The following NSL1 variants were observed in gnomAD, a reference collection of about 807,000 sequenced individuals.
The protein encoded by NSL1 is kinetochore-associated protein NSL1 homolog.
A neutral mutation model predicts 25.4 loss-of-function variants in NSL1; 11 were observed. The ratio of observed to expected loss-of-function variants is 0.43; its 90% CI spans 0.27 to 0.72. The LOEUF (loss-of-function observed/expected upper bound fraction) is 0.72, where lower values mean the gene tolerates loss of function less well. NSL1 is among the 30% of genes least tolerant of loss of function. The probability of loss-of-function intolerance (pLI) is 0.19; values close to 1 mark genes in which losing one functional copy is unlikely to be tolerated. For missense variants in NSL1, 330 were observed against 342.7 expected (o/e 0.96, Z 0.29); for synonymous variants, 118 against 120.6 (o/e 0.98, Z 0.14).
rs1468122090 is a variant in NSL1, at chr1:212,732,457, C to T, written c.*5951G>A. The T allele has an allele frequency of 2.0e-5, 7 of 353,900 alleles. No homozygotes were observed. Among genetic ancestry groups the T allele is most frequent in the Non-Finnish European group, 2.8e-5 (7 of 253,084 alleles). 21.9% of individuals were successfully genotyped at this position (353,900 alleles called of 1,614,324 possible). A position where few individuals can be genotyped will look rare whatever the true frequency, so the allele number is the denominator to read the frequency against. On this transcript the variant is annotated 3_prime_UTR_variant, in exon 6 of 6. Transcript: ENST00000366977. ...CCTCCTGAGTAGCTGGGATTACAGG[C>T]ATGCGCCACCACGCCCAGCTAATTT...
intron 5 of NSL1, among the ~76,000 whole-genome samples, chr1:212,739,109 C>G (rs940081918): frequency 5.9e-5 from 9 of 152,094 alleles, no homozygotes; most frequent in African/African-American, 2.2e-4. Flanking sequence ...ATGTGCGCAA[C>G]CTGCTTAGCC....
chr1:212,739,016 G>C (rs530298324), intron 5 of NSL1, among the ~76,000 whole-genome samples: 1 of 152,234 alleles, frequency 6.6e-6, no homozygotes, highest in East Asian at 1.9e-4. Flanking sequence ...GACTGCCTTG[G>C]CCTCCCAAAG....
chr1:212,762,583 A>C lies in NSL1; in HGVS notation c.499+19789T>G, dbSNP rs147518304. Among the ~76,000 whole-genome samples the C allele has an allele frequency of 8.6e-3, 1,317 of 152,308 alleles. 18 individuals are homozygous for C. The highest frequency in any genetic ancestry group is 0.013 in the Non-Finnish European group (883 of 68,026). On this transcript the variant is annotated intron_variant, in intron 4 of 5. Coordinates refer to ENST00000366977, the MANE Select transcript of NSL1 (RefSeq NM_015471.4). ...AAGGAATCCACAAACCCTCTGAAAG[A>C]AGCAGCAGGCTGGAGCCTACTGCAT... is the stretch of plus-strand genomic sequence containing the variant.
intron 4 of NSL1, among the ~76,000 whole-genome samples, chr1:212,753,330 G>A (rs1317539632): frequency 6.6e-6 from 1 of 152,128 alleles, no homozygotes; most frequent in Non-Finnish European, 1.5e-5. Context: ...CTTCACTACA[G>A]CCTCTCTGGT....
In NSL1 at chr1:212,737,390, G is replaced by A. The variant is rs1450260084; in HGVS notation, c.*1018C>T. On this transcript the variant is annotated 3_prime_UTR_variant, in exon 6 of 6. Transcript: ENST00000366977. ...AACCTCATGATCAGTAAATTCCTTT[G>A]AAAAATGAATGAAGGTATCAGAGTC... 2.0e-6 allele frequency: 2 copies of A among 984,400 alleles called. No individual in the cohort carries two copies. The highest frequency in any genetic ancestry group is 2.4e-6 in the Non-Finnish European group (2 of 829,028). 61.0% of individuals were successfully genotyped at this position (984,400 alleles called of 1,614,324 possible). A position where few individuals can be genotyped will look rare whatever the true frequency, so the allele number is the denominator to read the frequency against.
chr1:212,771,766 T>TA lies in NSL1; in HGVS notation c.499+10605dup, dbSNP rs368575242. Among the ~76,000 whole-genome samples, 774 of 151,842 alleles carry TA rather than the reference T, an allele frequency of 5.1e-3. 1 individual carries two copies. Among genetic ancestry groups the TA allele is most frequent in the Non-Finnish European group, 9.4e-3 (641 of 67,878 alleles). ...AAGTCAATCCCATTTATAATAGCTATAAAAAAAATAAAATATCTGGAAATA... is the reference window on the plus strand; with the variant it reads ...AAGTCAATCCCATTTATAATAGCTATAAAAAAAAATAAAATATCTGGAAATA... On this transcript the variant is annotated intron_variant, in intron 4 of 5. Coordinates refer to ENST00000366977, the MANE Select transcript of NSL1 (RefSeq NM_015471.4).
chr1:212,776,360 T>C lies in NSL1; in HGVS notation c.499+6012A>G, dbSNP rs528243262. Among the ~76,000 whole-genome samples, 11 of 150,828 alleles carry C rather than the reference T, an allele frequency of 7.3e-5. No homozygotes were observed. The East Asian group carries it at 2.0e-3, about 27-fold the overall frequency. ...CCTGGGCAACAAGAGAGAAACTCCG[T>C]CTCAAAAAAAAATAATAAATAATAA... On this transcript the variant is annotated intron_variant, in intron 4 of 5. Coordinates refer to ENST00000366977, the MANE Select transcript of NSL1 (RefSeq NM_015471.4).
chr1:212,782,030 T>C (rs779941380), intron 4 of NSL1: 3 of 555,714 alleles, frequency 5.4e-6, no homozygotes, highest in Admixed American at 3.8e-5. Context: ...GAGAGAATGC[T>C]TTAATAGTAT....
At chr1:212,786,336 C>G (rs1660943832) in intron 2 of NSL1, among the ~76,000 whole-genome samples, 1 of 151,648 alleles carries the variant, frequency 6.6e-6, no homozygotes, top group African/African-American at 2.4e-5. Flanking sequence ...ATATAAGCAG[C>G]CCTCCCTAAA....
At position 212,784,414 on chromosome 1, in the gene NSL1, T is replaced by A; in HGVS notation, c.393A>T (p.Arg131Ser). Residue 131 changes from arginine (R) to serine (S), a missense_variant, in exon 3 of 6, where the codon AGA becomes AGT. Transcript: ENST00000366977. ...TTTTGATGACACATTCCAGGATCTT[T>A]CTGGGATACTGCTTACGTTTTGTGG... is the stretch of plus-strand genomic sequence containing the variant. Reference protein sequence around the residue: ...DIATKRKQYPRKILECVIKTI... With the variant: ...DIATKRKQYPSKILECVIKTI... The A allele has an allele frequency of 6.3e-7, 1 of 1,599,732 alleles. No individual in the cohort carries two copies. The highest frequency in any genetic ancestry group is 8.5e-7 in the Non-Finnish European group (1 of 1,169,934).
chr1:212,741,218 T>C (rs1658487957), intron 4 of NSL1, among the ~76,000 whole-genome samples: 1 of 152,182 alleles, frequency 6.6e-6, no homozygotes, highest in Non-Finnish European at 1.5e-5. Flanking sequence ...GGCAAATAAA[T>C]AATTCATCCT....
At chr1:212,780,810 C>T (rs1056907886) in intron 4 of NSL1, among the ~76,000 whole-genome samples, 1 of 151,978 alleles carries the variant, frequency 6.6e-6, no homozygotes, top group Non-Finnish European at 1.5e-5. Flanking sequence ...TTATAAACTA[C>T]TAGTCATGTA....
In NSL1 at chr1:212,790,855, G is replaced by T. The variant is rs530976498; in HGVS notation, c.234+675C>A. ...GGAGAATGGCGTGAACCCAGGAGGC[G>T]GAGCTTGCAGTGAGCCGAGATCGCG... On this transcript the variant is annotated intron_variant, in intron 1 of 5. Coordinates refer to ENST00000366977, the MANE Select transcript of NSL1 (RefSeq NM_015471.4). Among the ~76,000 whole-genome samples, 16 of 151,948 alleles carry T rather than the reference G, an allele frequency of 1.1e-4. No homozygotes were observed. The South Asian group carries it at 1.9e-3, about 18-fold the overall frequency.
intron 4 of NSL1, among the ~76,000 whole-genome samples, chr1:212,777,768 T>G (rs1660442368): frequency 6.6e-6 from 1 of 152,206 alleles, no homozygotes; most frequent in South Asian, 2.1e-4. Context: ...TAAAAAGGTC[T>G]GAAACAAGTA....
intron 4 of NSL1, among the ~76,000 whole-genome samples, chr1:212,773,176 G>C (rs948398807): frequency 1.3e-5 from 2 of 152,256 alleles, no homozygotes; most frequent in Non-Finnish European, 2.9e-5. Context: ...AACAAAAACA[G>C]ACAAATGGGA....
At chr1:212,772,227 C>G (rs1660153890) in intron 4 of NSL1, among the ~76,000 whole-genome samples, 1 of 152,118 alleles carries the variant, frequency 6.6e-6, no homozygotes, top group Non-Finnish European at 1.5e-5. Context: ...CAGACTAGTA[C>G]AGGATACAAA....
chr1:212,754,454 A>T (rs1441616335), intron 4 of NSL1, among the ~76,000 whole-genome samples: 1 of 151,966 alleles, frequency 6.6e-6, no homozygotes, highest in Non-Finnish European at 1.5e-5. Flanking sequence ...GACAGAGTTT[A>T]CCCACCCTGA....
chr1:212,757,270 G>A (rs1206238216), intron 4 of NSL1, among the ~76,000 whole-genome samples: 1 of 152,104 alleles, frequency 6.6e-6, no homozygotes, highest in Non-Finnish European at 1.5e-5. Flanking sequence ...CCATATCATT[G>A]AGGGCCTCTT....
Position 212,764,842 on chromosome 1 carries a change from T to C in NSL1, c.499+17530A>G, listed in dbSNP as rs1439944627. 1.7e-4 allele frequency among the ~76,000 whole-genome samples: 3 copies of C among 17,262 alleles called. No individual in the cohort carries two copies. The East Asian group carries it at 5.0e-3, about 29-fold the overall frequency. 11.3% of individuals were successfully genotyped at this position (17,262 alleles called of 152,430 possible). On this transcript the variant is annotated intron_variant, in intron 4 of 5. Coordinates refer to ENST00000366977, the MANE Select transcript of NSL1 (RefSeq NM_015471.4). Reference sequence around the variant, plus strand: ...GCCTGGGTGACACAGCAAGACTGTCTCAAAAAAAAAAAAAAAAAAAAAAAA... The same window carrying C: ...GCCTGGGTGACACAGCAAGACTGTCCCAAAAAAAAAAAAAAAAAAAAAAAA...
Sources: allele counts gnomAD v4.1 joint callset (sites outside exome capture counted in the v4.1 genomes callset), GRCh38; gene constraint gnomAD v4.1.1; transcripts MANE v1.5; gene names NCBI Gene and HGNC (gene_info 2026-07-23, HGNC 2026-07-21).